Variants in SLC36A1 observed in about 807,000 individuals in gnomAD.
SLC36A1 encodes the protein solute carrier family 36 member 1, also known as proton-coupled amino acid transporter 1.
In SLC36A1, 30 loss-of-function variants were observed where a neutral mutation model predicts 47.5. The observed-to-expected ratio is 0.63, with a 90% CI of 0.47 to 0.86. SLC36A1 has a LOEUF of 0.86. Ranked by LOEUF, SLC36A1 falls within the 40% of genes least tolerant of loss-of-function variation. The pLI is 0.00. For synonymous variants in SLC36A1, 255 were observed against 249.7 expected (o/e 1.02, Z -0.20); for missense variants, 517 against 606.0 (o/e 0.85, Z 1.54).
At chr5:151,408,718 A>G in the SLC36A1 span, among the ~76,000 whole-genome samples, 1 of 152,226 alleles carries the variant, frequency 6.6e-6, no homozygotes, top group Admixed American at 6.5e-5. Flanking sequence ...CTCTGCTTCT[A>G]TAAGAATGCA....
the SLC36A1 span, among the ~76,000 whole-genome samples, chr5:151,421,043 T>G: frequency 6.7e-6 from 1 of 150,232 alleles, no homozygotes; most frequent in Non-Finnish European, 1.5e-5. Context: ...GCTAATTTTT[T>G]TTTGTATTTT....
the SLC36A1 span, among the ~76,000 whole-genome samples, chr5:151,355,297 GAA>G: frequency 2.0e-5 from 3 of 151,822 alleles, no homozygotes; most frequent in African/African-American, 7.3e-5. Flanking sequence ...ATGCAGGAAA[GAA>G]AGCATTCTGA....
intron 1 of SLC36A1, among the ~76,000 whole-genome samples, chr5:151,458,046 C>T (rs1381261306): frequency 2.6e-5 from 4 of 151,762 alleles, no homozygotes; most frequent in South Asian, 2.1e-4. Flanking sequence ...CGGGGTTTCT[C>T]CATGTTACTC....
the SLC36A1 span, among the ~76,000 whole-genome samples, chr5:151,551,095 T>G: frequency 6.6e-6 from 1 of 152,152 alleles, no homozygotes; most frequent in Admixed American, 6.5e-5. Context: ...GGAAGGGCCT[T>G]TCCATCAAGT....
At chr5:151,529,194 C>G in the SLC36A1 span, 1 of 1,613,956 alleles carries the variant, frequency 6.2e-7, no homozygotes, top group East Asian at 2.2e-5. Context: ...GATGACGTCA[C>G]CCACAAGGGC....
chr5:151,528,658 G>A, the SLC36A1 span, among the ~76,000 whole-genome samples: 1 of 152,176 alleles, frequency 6.6e-6, no homozygotes, highest in South Asian at 2.1e-4. Flanking sequence ...AGCATAGGGT[G>A]CACCATAGCA....
the SLC36A1 span, among the ~76,000 whole-genome samples, chr5:151,405,343 CTTT>C: frequency 7.0e-5 from 6 of 85,266 alleles, no homozygotes; most frequent in East Asian, 3.3e-4. Flanking sequence ...CTCTCTTTCT[CTTT>C]TTTTTTTTTT....
chr5:151,486,098 G>T (rs896782411), intron 10 of SLC36A1, among the ~76,000 whole-genome samples: 1 of 152,194 alleles, frequency 6.6e-6, no homozygotes, highest in African/African-American at 2.4e-5. Flanking sequence ...TCATGGCTCT[G>T]CAGGCTGTAC....
the SLC36A1 span, chr5:151,546,097 G>C: frequency 6.2e-7 from 1 of 1,614,134 alleles, no homozygotes; most frequent in Non-Finnish European, 8.5e-7. Flanking sequence ...GAGGATTGGG[G>C]AACCAACAGG....
intron 5 of SLC36A1, among the ~76,000 whole-genome samples, chr5:151,465,595 G>T (rs1387082515): frequency 6.6e-6 from 1 of 152,202 alleles, no homozygotes; most frequent in Non-Finnish European, 1.5e-5. Flanking sequence ...TAAGGAAAAA[G>T]AAATGTGGGA....
chr5:151,457,390 TG>T (rs1754717673), intron 1 of SLC36A1, among the ~76,000 whole-genome samples: 1 of 152,074 alleles, frequency 6.6e-6, no homozygotes, highest in Non-Finnish European at 1.5e-5. Context: ...GTCCTTATTG[TG>T]TATCTTTAAG....
At chr5:151,459,388 G>A (rs980226177) in intron 2 of SLC36A1, among the ~76,000 whole-genome samples, 4 of 152,186 alleles carry the variant, frequency 2.6e-5, no homozygotes, top group African/African-American at 7.2e-5. Flanking sequence ...TTCAGGGTTG[G>A]TAGGAAAGGA....
chr5:151,543,585 G>A, the SLC36A1 span: 1 of 1,614,038 alleles, frequency 6.2e-7, no homozygotes, highest in Non-Finnish European at 8.5e-7. Context: ...AATCTATAGT[G>A]CCATAGGGAC....
chr5:151,487,986 T>C lies in SLC36A1; in HGVS notation c.1163T>C (p.Ile388Thr). The C allele has an allele frequency of 6.2e-7, 1 of 1,614,006 alleles. No homozygotes were observed. The highest frequency in any genetic ancestry group is 1.1e-5 in the South Asian group (1 of 91,062). ...VRTVLVCLTC[I>T]LAILIPRLDL... is the part of the protein sequence containing the mutation. Reference sequence around the variant, plus strand: ...GGCATGTCCTCTCTCCCTGCAGGCATCTTGGCCATCCTCATCCCCCGCCTG... The same window carrying C: ...GGCATGTCCTCTCTCCCTGCAGGCACCTTGGCCATCCTCATCCCCCGCCTG... Residue 388 changes from isoleucine (I) to threonine (T), a missense_variant, in exon 11 of 11, where the codon ATC (isoleucine) becomes ACC (threonine). Ile to Thr is a moderately conservative substitution (Grantham distance 89, BLOSUM62 -1). Transcript: ENST00000243389.
At chr5:151,468,374 T>C (rs1378952575) in intron 7 of SLC36A1, among the ~76,000 whole-genome samples, 3 of 143,718 alleles carry the variant, frequency 2.1e-5, no homozygotes, top group Non-Finnish European at 4.5e-5. Context: ...CATATACATG[T>C]AATATATATT....
the SLC36A1 span, among the ~76,000 whole-genome samples, chr5:151,346,970 C>T: frequency 2.8e-3 from 428 of 152,282 alleles, 2 homozygotes; most frequent in African/African-American, 1.0e-2. Context: ...ATCTTAACAT[C>T]GCTGGCCAGG....
chr5:151,521,339 T>A, the SLC36A1 span: 1 of 1,614,144 alleles, frequency 6.2e-7, no homozygotes, highest in Non-Finnish European at 8.5e-7. Flanking sequence ...CTGGCGGTGC[T>A]GTACGTGGGC....
At chr5:151,412,444 G>A in the SLC36A1 span, 6 of 144,100 alleles carry the variant, frequency 4.2e-5, 1 homozygote, top group African/African-American at 1.0e-4. Flanking sequence ...TGACAATCTG[G>A]AGGATGTGTT....
At chr5:151,534,296 C>T in the SLC36A1 span, 6 of 736,530 alleles carry the variant, frequency 8.1e-6, no homozygotes, top group Non-Finnish European at 4.4e-6. Flanking sequence ...TCCCCAGACT[C>T]AACAAGGAGG....
Sources: allele counts gnomAD v4.1 joint callset (sites outside exome capture counted in the v4.1 genomes callset), GRCh38; gene constraint gnomAD v4.1.1; transcripts MANE v1.5; gene names NCBI Gene and HGNC (gene_info 2026-07-23, HGNC 2026-07-21).